The following CCDC85A variants were observed in gnomAD, a reference collection of about 807,000 sequenced individuals.
CCDC85A encodes the protein coiled-coil domain containing 85A, also known as coiled-coil domain-containing protein 85A.
CCDC85A carries 38 observed loss-of-function variants against 50.2 expected under a neutral mutation model. That is an observed-to-expected ratio of 0.76 (90% CI 0.58 to 0.99). The LOEUF is 0.99. Among genes scored for constraint, CCDC85A ranks in the 50% least tolerant of loss-of-function variants. The pLI is 0.00. For synonymous variants in CCDC85A, 366 were observed against 301.4 expected (o/e 1.21, Z -2.22); for missense variants, 820 against 742.0 (o/e 1.11, Z -1.22).
chr2:56,316,034 C>G (rs559060558), intron 2 of CCDC85A, among the ~76,000 whole-genome samples: 1 of 152,230 alleles, frequency 6.6e-6, no homozygotes, highest in South Asian at 2.1e-4. Flanking sequence ...AGGGGGTCAG[C>G]TTGGTGTTGG....
chr2:56,301,901 A>G (rs1672221724), intron 2 of CCDC85A, among the ~76,000 whole-genome samples: 1 of 152,160 alleles, frequency 6.6e-6, no homozygotes, highest in South Asian at 2.1e-4. Flanking sequence ...GCACATGCAT[A>G]CCTATGTAAC....
intron 2 of CCDC85A, among the ~76,000 whole-genome samples, chr2:56,295,444 A>T (rs1671904342): frequency 6.6e-6 from 1 of 152,224 alleles, no homozygotes; most frequent in Non-Finnish European, 1.5e-5. Flanking sequence ...GATTAATAAT[A>T]TGCTGATAGC....
chr2:56,247,406 CT>C (rs1178178363), intron 2 of CCDC85A, among the ~76,000 whole-genome samples: 5 of 152,094 alleles, frequency 3.3e-5, no homozygotes, highest in African/African-American at 1.2e-4. Context: ...TATTTTCCTT[CT>C]GCAATTTTTC....
intron 2 of CCDC85A, among the ~76,000 whole-genome samples, chr2:56,296,953 A>G (rs938401342): frequency 6.6e-6 from 1 of 152,172 alleles, no homozygotes; most frequent in African/African-American, 2.4e-5. Flanking sequence ...TTGAAAACAT[A>G]TTAATATATG....
intron 3 of CCDC85A, among the ~76,000 whole-genome samples, chr2:56,355,077 T>G (rs976555410): frequency 1.3e-5 from 2 of 152,224 alleles, no homozygotes; most frequent in African/African-American, 4.8e-5. Context: ...AGTCTAGTCC[T>G]GTGGGTTTCC....
chr2:56,259,423 G>A (rs914298425), intron 2 of CCDC85A, among the ~76,000 whole-genome samples: 5 of 152,102 alleles, frequency 3.3e-5, no homozygotes, highest in African/African-American at 7.2e-5. Flanking sequence ...TGCCTCCCTC[G>A]CTGGGCTCAG....
At chr2:56,337,434 T>A (rs989247153) in intron 2 of CCDC85A, among the ~76,000 whole-genome samples, 2 of 152,236 alleles carry the variant, frequency 1.3e-5, no homozygotes, top group Non-Finnish European at 2.9e-5. Context: ...TGATTTGATA[T>A]TTGCTTTTCC....
At chr2:56,347,990 G>A (rs1674714161) in intron 3 of CCDC85A, among the ~76,000 whole-genome samples, 1 of 152,054 alleles carries the variant, frequency 6.6e-6, no homozygotes, top group Admixed American at 6.5e-5. Context: ...AAAGTAAATA[G>A]TACTACCCTT....
intron 3 of CCDC85A, among the ~76,000 whole-genome samples, chr2:56,370,302 C>A (rs934875847): frequency 6.6e-6 from 1 of 151,882 alleles, no homozygotes; most frequent in Non-Finnish European, 1.5e-5. Context: ...GTAGGCCCTG[C>A]GAAACACTAA....
intron 2 of CCDC85A, among the ~76,000 whole-genome samples, chr2:56,333,467 C>T (rs6722198): frequency 0.36 from 55,124 of 151,988 alleles, 11,955 homozygotes; most frequent in African/African-American, 0.61. Context: ...TCAGATCACA[C>T]AGGGCCCTGA....
intron 3 of CCDC85A, among the ~76,000 whole-genome samples, chr2:56,360,436 AT>A (rs749616231): frequency 3.3e-5 from 5 of 150,648 alleles, no homozygotes; most frequent in African/African-American, 1.2e-4. Flanking sequence ...AATGCTTTTC[AT>A]TTTTTTTTTA....
intron 2 of CCDC85A, among the ~76,000 whole-genome samples, chr2:56,329,237 T>C (rs182143604): frequency 2.8e-4 from 42 of 152,312 alleles, no homozygotes; most frequent in Admixed American, 7.2e-4. Flanking sequence ...CCCAAATGTT[T>C]GTATTTACGT....
intron 3 of CCDC85A, among the ~76,000 whole-genome samples, chr2:56,361,131 G>T (rs570552861): frequency 6.6e-6 from 1 of 152,150 alleles, no homozygotes; most frequent in Non-Finnish European, 1.5e-5. Context: ...GCGGGTGCCT[G>T]TAGTCCCAGC....
At chr2:56,293,668 A>G (rs1297389616) in intron 2 of CCDC85A, among the ~76,000 whole-genome samples, 1 of 152,256 alleles carries the variant, frequency 6.6e-6, no homozygotes, top group African/African-American at 2.4e-5. Flanking sequence ...ACTTCTCAAA[A>G]GAAGACATAT....
rs574918249 is a variant in CCDC85A at position 56,263,511 on chromosome 2, C to T, written c.1240+70071C>T. On this transcript the variant is annotated intron_variant, in intron 2 of 5. Transcript: ENST00000407595. ...CTCAGAGCCCTGGCCAGGATATTTC[C>T]AAGAATGGCCTCCTCAGTTTGCACT... 1.1e-4 allele frequency among the ~76,000 whole-genome samples: 17 copies of T among 152,262 alleles called. 1 individual carries two copies. The highest frequency in any genetic ancestry group is 4.1e-4 in the African/African-American group (17 of 41,540).
intron 2 of CCDC85A, among the ~76,000 whole-genome samples, chr2:56,264,231 A>G (rs1351145368): frequency 2.0e-5 from 3 of 151,704 alleles, no homozygotes; most frequent in African/African-American, 7.3e-5. Flanking sequence ...TTCCTTCAGA[A>G]CTCCAGATTC....
intron 2 of CCDC85A, among the ~76,000 whole-genome samples, chr2:56,304,919 C>A (rs901308217): frequency 0.011 from 1,240 of 109,052 alleles, 18 homozygotes; most frequent in African/African-American, 0.042. Context: ...AAACAAAAAA[C>A]AAACAAACAA....
Position 56,296,223 on chromosome 2 carries a change from C to G in CCDC85A, c.1241-46656C>G, listed in dbSNP as rs79453963. Among the ~76,000 whole-genome samples the G allele has an allele frequency of 2.8e-3, 419 of 152,160 alleles. 1 individual carries two copies. Among genetic ancestry groups the G allele is most frequent in the African/African-American group, 9.5e-3 (394 of 41,526 alleles). ...AATATGTGTTTGATGGCCTGGGTAC[C>G]CTTTTTTGCTATTTTAACAGCACCT... On this transcript the variant is annotated intron_variant, in intron 2 of 5. Coordinates refer to ENST00000407595, the MANE Select transcript of CCDC85A (RefSeq NM_001080433.2).
chr2:56,306,958 G>A (rs921022777), intron 2 of CCDC85A, among the ~76,000 whole-genome samples: 10 of 151,914 alleles, frequency 6.6e-5, no homozygotes, highest in African/African-American at 2.2e-4. Flanking sequence ...AGCCCATTTT[G>A]GAATGATTGA....
Sources: allele counts gnomAD v4.1 joint callset (sites outside exome capture counted in the v4.1 genomes callset), GRCh38; gene constraint gnomAD v4.1.1; transcripts MANE v1.5; gene names NCBI Gene and HGNC (gene_info 2026-07-23, HGNC 2026-07-21).